Variants in TAFA2 observed in about 807,000 individuals in gnomAD.
TAFA2 encodes chemokine-like protein TAFA-2.
TAFA2 carries 7 observed loss-of-function variants against 18.8 expected under a neutral mutation model. The ratio of observed to expected loss-of-function variants is 0.37; its 90% confidence interval spans 0.21 to 0.70. The LOEUF (loss-of-function observed/expected upper bound fraction) is 0.70. Among genes scored for constraint, TAFA2 ranks in the 30% least tolerant of loss-of-function variants. TAFA2 has a pLI of 0.53. For synonymous variants in TAFA2, 60 were observed against 54.2 expected (o/e 1.11, Z -0.47); for missense variants, 122 against 158.1 (o/e 0.77, Z 1.23).
intron 1 of TAFA2, among the ~76,000 whole-genome samples, chr12:62,146,284 CTT>C (rs11415151): frequency 0.015 from 1,807 of 117,654 alleles, 30 homozygotes; most frequent in African/African-American, 0.048. Flanking sequence ...CCCTTTGCTG[CTT>C]TTTTTTTTTT....
chr12:62,235,589 C>G (rs897964731), intron 1 of TAFA2: 10 of 302,148 alleles, frequency 3.3e-5, no homozygotes, highest in Non-Finnish European at 6.2e-5. Context: ...AGGTGGTTAT[C>G]GGGACATTGC....
intron 1 of TAFA2, among the ~76,000 whole-genome samples, chr12:61,936,924 A>T (rs1453291343): frequency 6.6e-6 from 1 of 152,036 alleles, no homozygotes; most frequent in Non-Finnish European, 1.5e-5. Context: ...CACCCTAAAG[A>T]CTCCTCCAAA....
intron 1 of TAFA2, among the ~76,000 whole-genome samples, chr12:62,209,754 T>A (rs2062705985): frequency 6.6e-6 from 1 of 152,220 alleles, no homozygotes; most frequent in African/African-American, 2.4e-5. Context: ...TAGAGGACGA[T>A]GTTTACAATT....
At chr12:62,129,922 A>T (rs1870616205) in intron 1 of TAFA2, among the ~76,000 whole-genome samples, 1 of 152,002 alleles carries the variant, frequency 6.6e-6, no homozygotes, top group Non-Finnish European at 1.5e-5. Context: ...GAATTCTAAA[A>T]CATACCATTT....
intron 1 of TAFA2, among the ~76,000 whole-genome samples, chr12:61,908,445 T>C (rs764281982): frequency 2.7e-4 from 41 of 152,034 alleles, no homozygotes; most frequent in Non-Finnish European, 4.3e-4. Flanking sequence ...CCTGCAGCCG[T>C]GATTATGAGG....
intron 1 of TAFA2, among the ~76,000 whole-genome samples, chr12:62,172,613 T>G (rs902422724): frequency 6.6e-6 from 1 of 152,210 alleles, no homozygotes; most frequent in African/African-American, 2.4e-5. Context: ...AAATGCTCAG[T>G]AACACTGTAG....
intron 4 of TAFA2, among the ~76,000 whole-genome samples, chr12:61,743,817 G>T (rs531261516): frequency 6.6e-6 from 1 of 152,180 alleles, no homozygotes; most frequent in Non-Finnish European, 1.5e-5. Context: ...CACATAAAAC[G>T]TGTGATGGAC....
chr12:62,165,933 TCTCTCTCA>T (rs901220259), intron 1 of TAFA2, among the ~76,000 whole-genome samples: 6 of 120,896 alleles, frequency 5.0e-5, no homozygotes, highest in Non-Finnish European at 1.0e-4. Context: ...TCTCTCTCTC[TCTCTCTCA>T]CACACACACA....
At chr12:62,128,374 G>T (rs1011896018) in intron 1 of TAFA2, among the ~76,000 whole-genome samples, 1 of 151,976 alleles carries the variant, frequency 6.6e-6, no homozygotes, top group African/African-American at 2.4e-5. Flanking sequence ...GAAACTCAGA[G>T]GTTGTGAAAC....
chr12:61,963,883 A>C (rs1482518438), intron 1 of TAFA2, among the ~76,000 whole-genome samples: 2 of 152,070 alleles, frequency 1.3e-5, no homozygotes, highest in Non-Finnish European at 2.9e-5. Flanking sequence ...AAACAGATAT[A>C]TAGACCAATG....
At chr12:61,875,386 A>T (rs981362031) in intron 1 of TAFA2, among the ~76,000 whole-genome samples, 3 of 151,986 alleles carry the variant, frequency 2.0e-5, no homozygotes, top group Admixed American at 2.0e-4. Flanking sequence ...TTATAGTATT[A>T]TCTATCTCCT....
intron 2 of TAFA2, among the ~76,000 whole-genome samples, chr12:61,837,927 C>T (rs1360114672): frequency 6.6e-6 from 1 of 151,980 alleles, no homozygotes; most frequent in Non-Finnish European, 1.5e-5. Flanking sequence ...GTAGAATAGA[C>T]ATTTGAGTTG....
At chr12:61,911,382 C>G (rs1876605545) in intron 1 of TAFA2, among the ~76,000 whole-genome samples, 1 of 152,198 alleles carries the variant, frequency 6.6e-6, no homozygotes, top group African/African-American at 2.4e-5. Context: ...ATTTATCTTA[C>G]ACTCATTATT....
intron 1 of TAFA2, among the ~76,000 whole-genome samples, chr12:61,914,179 A>G (rs1876725635): frequency 1.3e-5 from 2 of 152,178 alleles, no homozygotes; most frequent in Non-Finnish European, 2.9e-5. Flanking sequence ...CATGGGTAGA[A>G]TTTCAGTCAG....
rs1878655397 is a variant in TAFA2 at position 61,955,632 on chromosome 12, A to AAATATATTTAT, written c.-1-88207_-1-88206insATAAATATATT. The stretch of plus-strand genomic sequence containing the variant: ...AAAAAAAAAAAAAAAAAAAAAAAAA[A>AAATATATTTAT]ATATATATATATATATATATATATA... On this transcript the variant is annotated intron_variant, in intron 1 of 4. Coordinates refer to ENST00000416284, the MANE Select transcript of TAFA2 (RefSeq NM_178539.5). Among the ~76,000 whole-genome samples the AAATATATTTAT allele has an allele frequency of 9.7e-5, 4 of 41,210 alleles. 1 individual carries two copies. Among genetic ancestry groups the AAATATATTTAT allele is most frequent in the Admixed American group, 8.4e-4 (2 of 2,380 alleles). The allele number at this position is 41,210 out of a possible 152,430, so 27.0% of individuals were successfully genotyped here.
intron 1 of TAFA2, among the ~76,000 whole-genome samples, chr12:62,004,297 A>G (rs1880474658): frequency 6.6e-6 from 1 of 152,070 alleles, no homozygotes; most frequent in Non-Finnish European, 1.5e-5. Context: ...TGTTATGTCT[A>G]TTTTCACTTC....
chr12:61,766,068 A>C (rs1869777641), intron 2 of TAFA2, among the ~76,000 whole-genome samples: 1 of 152,082 alleles, frequency 6.6e-6, no homozygotes, highest in East Asian at 1.9e-4. Context: ...ACTTCTACTG[A>C]TTTAGCTTAG....
chr12:62,087,854 T>C (rs1218242951), intron 1 of TAFA2, among the ~76,000 whole-genome samples: 1 of 152,064 alleles, frequency 6.6e-6, no homozygotes, highest in Non-Finnish European at 1.5e-5. Flanking sequence ...TTGGAATAGA[T>C]GATAGCAGTC....
At chr12:62,153,286 A>G (rs1453450399) in intron 1 of TAFA2, among the ~76,000 whole-genome samples, 1 of 152,226 alleles carries the variant, frequency 6.6e-6, no homozygotes, top group East Asian at 1.9e-4. Context: ...GAAGTGGAAC[A>G]TTATTCCTTG....
Sources: allele counts gnomAD v4.1 joint callset (sites outside exome capture counted in the v4.1 genomes callset), GRCh38; gene constraint gnomAD v4.1.1; transcripts MANE v1.5; gene names NCBI Gene and HGNC (gene_info 2026-07-23, HGNC 2026-07-21).